The following PAQR6 variants were observed in gnomAD, a reference collection of about 807,000 sequenced individuals.
PAQR6 encodes the protein progestin and adipoQ receptor family member 6, also known as membrane progestin receptor delta.
PAQR6 carries 34 observed loss-of-function variants against 36.2 expected under a neutral mutation model. The observed-to-expected ratio is 0.94, with a 90% CI of 0.71 to 1.25. PAQR6 has a LOEUF of 1.25. PAQR6 is among the 50% of genes most tolerant of loss of function. PAQR6 has a pLI of 0.00. For synonymous variants in PAQR6, 190 were observed against 190.7 expected (o/e 1.00, Z 0.03); for missense variants, 431 against 445.7 (o/e 0.97, Z 0.30).
chr1:156,244,604 C>G, intron 7 of PAQR6, 157 bp downstream of exon 7: 1 of 1,473,418 alleles, frequency 6.8e-7, no homozygotes. Context: ...AGGTGGAGGA[C>G]CCTTCCAGTG....
At chr1:156,245,053 A>C (rs758891695) in intron 6 of PAQR6, 89 bp downstream of exon 6, 16 of 1,601,476 alleles carry the variant, frequency 1.0e-5, no homozygotes, top group Non-Finnish European at 1.4e-5. Context: ...GGGCTGAGGC[A>C]GGGACTGAGG....
Position 156,245,525 on chromosome 1 carries a change from G to A in PAQR6, c.512+10C>T. The A allele has an allele frequency of 6.2e-7, 1 of 1,611,932 alleles. No homozygotes were observed. Among genetic ancestry groups the A allele is most frequent in the Non-Finnish European group, 8.5e-7 (1 of 1,179,966 alleles). Reference sequence around the variant, plus strand: ...TTCCCCGTCCCCACTGGAGGGGCCTGGGAACCCACCGGGAGTAGCAGGAGA... The same window carrying A: ...TTCCCCGTCCCCACTGGAGGGGCCTAGGAACCCACCGGGAGTAGCAGGAGA... On this transcript the variant is annotated intron_variant, in intron 5 of 7. Coordinates refer to ENST00000292291, the MANE Select transcript of PAQR6 (RefSeq NM_198406.3).
chr1:156,245,421 G>A (rs1014802356), intron 5 of PAQR6, 114 bp downstream of exon 5: 32 of 1,496,494 alleles, frequency 2.1e-5, no homozygotes, highest in Non-Finnish European at 2.7e-5. Context: ...GTCTGACAGA[G>A]GAAGTCCTCA....
At position 156,247,976 on chromosome 1, in the gene PAQR6, C is replaced by A. The variant is rs1660929445; in HGVS notation, c.-45G>T. 1 of 463,810 alleles carries A rather than the reference C, an allele frequency of 2.2e-6. No individual in the cohort carries two copies. Among genetic ancestry groups the A allele is most frequent in the Non-Finnish European group, 4.5e-6 (1 of 223,574 alleles). The allele number at this position is 463,810 out of a possible 1,614,324, so 28.7% of individuals were successfully genotyped here. On this transcript the variant is annotated 5_prime_UTR_variant, in exon 1 of 8. Coordinates refer to ENST00000292291, the MANE Select transcript of PAQR6 (RefSeq NM_198406.3). The stretch of plus-strand genomic sequence containing the variant: ...CCTTACCCAGAGCTTGGTGGGTGCT[C>A]CTAAGCTGGTGGGTCAACAGGCCCA...
chr1:156,247,762 G>GC (rs974986915), intron 1 of PAQR6, 195 bp downstream of exon 1: 6 of 275,466 alleles, frequency 2.2e-5, no homozygotes, highest in African/African-American at 1.4e-4. Flanking sequence ...CCTGAGTGCT[G>GC]CCCATCTATC....
intron 5 of PAQR6, 97 bp downstream of exon 5, chr1:156,245,438 G>C: frequency 1.9e-6 from 3 of 1,539,428 alleles, no homozygotes; most frequent in Non-Finnish European, 2.7e-6. Context: ...CTCAGTACAT[G>C]GTCCCGATGC....
chr1:156,246,249 A>G lies in PAQR6; in HGVS notation c.53T>C (p.Val18Ala). The G allele has an allele frequency of 1.2e-6, 2 of 1,609,798 alleles. No individual in the cohort carries two copies. The highest frequency in any genetic ancestry group is 1.7e-6 in the Non-Finnish European group (2 of 1,177,036). The change falls in exon 3 of 8, where the codon GTG (valine) becomes GCG (alanine). Residue 18 changes from valine to alanine, a missense_variant and splice_region_variant. Coordinates refer to ENST00000292291, the MANE Select transcript of PAQR6 (RefSeq NM_198406.3). ...QLLQVHQVPR[V>A]FWEDGIMSGY... ...AGACATGATGCCATCTTCCCAGAAC[A>G]CCTAGGGTAGTGGTGGGAGAGGAAG...
At position 156,245,247 on chromosome 1, in the gene PAQR6, C is replaced by T; in HGVS notation, c.513-9G>A. 1 of 1,612,220 alleles carries T rather than the reference C, an allele frequency of 6.2e-7. No individual in the cohort carries two copies. Among genetic ancestry groups the T allele is most frequent in the Non-Finnish European group, 8.5e-7 (1 of 1,178,542 alleles). The stretch of plus-strand genomic sequence containing the variant: ...TTTCCAGCTCCAGGAAACTGGGAGG[C>T]GGGAGGAAAAGGCCGGTCACCATCG... On this transcript the variant is annotated splice_polypyrimidine_tract_variant and intron_variant, in intron 5 of 7. Transcript: ENST00000292291.
Position 156,243,937 on chromosome 1 carries a change from T to C in PAQR6, c.*192A>G. The C allele has an allele frequency of 6.2e-7, 1 of 1,613,932 alleles. No homozygotes were observed. The highest frequency in any genetic ancestry group is 2.2e-5 in the East Asian group (1 of 44,876). On this transcript the variant is annotated 3_prime_UTR_variant, in exon 8 of 8. Transcript: ENST00000292291. The stretch of plus-strand genomic sequence containing the variant: ...ACTCCCATCAAGAGCCCCCTCACGG[T>C]CCCTCTCACACTCTGCCAGTCCCCC...
chr1:156,244,166 C>T lies in PAQR6; in HGVS notation c.998G>A (p.Gly333Asp). The T allele has an allele frequency of 3.1e-6, 5 of 1,606,050 alleles. No individual in the cohort carries two copies. Among genetic ancestry groups the T allele is most frequent in the Non-Finnish European group, 4.3e-6 (5 of 1,173,674 alleles). ...GGCCTGGGTACCCCCCTCCAGTGGG[C>T]CACCCTGCAGCAGAGGGCATGTACT... is the stretch of plus-strand genomic sequence containing the variant. Reference protein sequence around the residue: ...APSTCPLLQGGPLEGGTQAKQ... With the variant: ...APSTCPLLQGDPLEGGTQAKQ... The change falls in exon 8 of 8, where the codon GGC becomes GAC. Residue 333 changes from glycine (G) to aspartate (D), a missense_variant. Transcript: ENST00000292291.
chr1:156,244,891 C>G lies in PAQR6; in HGVS notation c.630G>C (p.Arg210Ser), dbSNP rs1278648464. ...GGGCCTCCTGCCCACAGCCGTGGCC[C>G]CTGCCCCAGCACAGCCCGAGCTGTC... is the stretch of plus-strand genomic sequence containing the variant. ...LFYRLGLCWG[R>S]GHGCGQEALS... Residue 210 changes from arginine to serine, a missense_variant, in exon 7 of 8, where the codon AGG becomes AGC. Physicochemically the swap from Arg to Ser is moderately radical, Grantham distance 110 (BLOSUM62 -1). Coordinates refer to ENST00000292291, the MANE Select transcript of PAQR6 (RefSeq NM_198406.3). 1 of 1,612,826 alleles carries G rather than the reference C, an allele frequency of 6.2e-7. No individual in the cohort carries two copies. Among genetic ancestry groups the G allele is most frequent in the African/African-American group, 1.3e-5 (1 of 74,936 alleles).
intron 1 of PAQR6, 85 bp from the exon 2 acceptor site, chr1:156,246,841 T>C (rs1660594009): frequency 2.5e-6 from 3 of 1,216,952 alleles, no homozygotes; most frequent in South Asian, 1.5e-5. Context: ...CAGGATGGGC[T>C]GTGCGTGTGG....
Position 156,244,381 on chromosome 1 carries a change from G to A in PAQR6, c.783C>T (p.His261=), listed in dbSNP as rs957921074. Residue 261 remains histidine (H), a synonymous_variant, in exon 8 of 8, where the codon CAC becomes CAT. Transcript: ENST00000292291. ...AGTGGGTGCCCAGCACTGCACAGAT[G>A]TGGAATAACTGGTGGCTGTGGCCTG... ...DYIGHSHQLF[H]ICAVLGTHFQ... 9 of 1,542,136 alleles carry A rather than the reference G, an allele frequency of 5.8e-6. No individual in the cohort carries two copies. Among genetic ancestry groups the A allele is most frequent in the Non-Finnish European group, 7.0e-6 (8 of 1,139,338 alleles).
rs759330 is a variant in PAQR6, at chr1:156,243,466, G to A, written c.*663C>T. On this transcript the variant is annotated 3_prime_UTR_variant, in exon 8 of 8. Transcript: ENST00000292291. The stretch of plus-strand genomic sequence containing the variant: ...TTGTACCTGCCTTGTTCCAGAAAAC[G>A]TTGAAGGTGGCTTCCCAAAGTCTAA... 339,244 of 460,080 alleles carry A rather than the reference G, an allele frequency of 0.74. 126,266 individuals carry two copies. Among genetic ancestry groups the A allele is most frequent in the Admixed American group, 0.83 (23,465 of 28,388 alleles). The allele number at this position is 460,080 out of a possible 1,614,324, so 28.5% of individuals were successfully genotyped here.
At chr1:156,245,479 G>A (rs1221649356) in intron 5 of PAQR6, 56 bp downstream of exon 5, 22 of 1,601,382 alleles carry the variant, frequency 1.4e-5, no homozygotes, top group Non-Finnish European at 1.8e-5. Context: ...AGTGAGGTGT[G>A]TCCTCTCCTG....
intron 7 of PAQR6, 153 bp from the exon 8 acceptor site, chr1:156,244,556 A>AT: frequency 7.3e-7 from 1 of 1,360,648 alleles, no homozygotes; most frequent in Non-Finnish European, 9.9e-7. Context: ...ATGTGGCCCC[A>AT]GCACACATGC....
Position 156,246,262 on chromosome 1 carries a change from G to A in PAQR6, c.52-12C>T, listed in dbSNP as rs752045084. The A allele has an allele frequency of 6.2e-7, 1 of 1,602,676 alleles. No homozygotes were observed. Among genetic ancestry groups the A allele is most frequent in the Non-Finnish European group, 8.5e-7 (1 of 1,171,134 alleles). On this transcript the variant is annotated splice_polypyrimidine_tract_variant and intron_variant, in intron 2 of 7. Coordinates refer to ENST00000292291, the MANE Select transcript of PAQR6 (RefSeq NM_198406.3). Reference sequence around the variant, plus strand: ...TCTTCCCAGAACACCTAGGGTAGTGGTGGGAGAGGAAGGGCGTCACTGTGC... The same window carrying A: ...TCTTCCCAGAACACCTAGGGTAGTGATGGGAGAGGAAGGGCGTCACTGTGC...
In PAQR6 at chr1:156,243,342, GT is replaced by G; in HGVS notation, c.*786del. ...ATCTGTGGGCCTGTGAGTCTGTCCA[GT>G]TTATGGAGTGTGGGAGGGAGGTGTC... On this transcript the variant is annotated 3_prime_UTR_variant, in exon 8 of 8. Coordinates refer to ENST00000292291, the MANE Select transcript of PAQR6 (RefSeq NM_198406.3). The G allele has an allele frequency of 9.3e-7, 1 of 1,074,026 alleles. No homozygotes were observed. The highest frequency in any genetic ancestry group is 1.3e-6 in the Non-Finnish European group (1 of 767,082). The allele number at this position is 1,074,026 out of a possible 1,614,324, so 66.5% of individuals were successfully genotyped here.
chr1:156,247,977 C>A lies in PAQR6; in HGVS notation c.-46G>T. ...CTTACCCAGAGCTTGGTGGGTGCTC[C>A]TAAGCTGGTGGGTCAACAGGCCCAG... is the stretch of plus-strand genomic sequence containing the variant. On this transcript the variant is annotated 5_prime_UTR_variant, in exon 1 of 8. The change creates a new upstream start codon in the 5' untranslated region. Coordinates refer to ENST00000292291, the MANE Select transcript of PAQR6 (RefSeq NM_198406.3). 2.2e-6 allele frequency: 1 copy of A among 464,184 alleles called. No homozygotes were observed. The highest frequency in any genetic ancestry group is 4.5e-6 in the Non-Finnish European group (1 of 223,730). 28.8% of individuals were successfully genotyped at this position (464,184 alleles called of 1,614,324 possible). A position where few individuals can be genotyped will look rare whatever the true frequency, so the allele number is the denominator to read the frequency against.
Sources: gnomAD v4.1 joint callset for allele counts on GRCh38, gnomAD v4.1.1 for gene constraint, MANE v1.5 for transcripts, NCBI Gene and HGNC (gene_info 2026-07-23, HGNC 2026-07-21) for gene names.